Variants in RCN2 observed in about 807,000 individuals in gnomAD.
RCN2 encodes reticulocalbin-2.
Under a neutral mutation model 37.5 loss-of-function variants are expected in RCN2, and 23 were observed. The ratio of observed to expected loss-of-function variants is 0.61; its 90% CI spans 0.44 to 0.87. The LOEUF is 0.87. Ranked by LOEUF, RCN2 falls within the 40% of genes least tolerant of loss-of-function variation. RCN2 has a pLI of 0.00. For synonymous variants in RCN2, 140 were observed against 144.6 expected (o/e 0.97, Z 0.23); for missense variants, 381 against 390.4 (o/e 0.98, Z 0.20).
At chr15:76,935,842 C>T (rs947020509) in intron 3 of RCN2, 120 bp downstream of exon 3, 3 of 655,648 alleles carry the variant, frequency 4.6e-6, no homozygotes, top group African/African-American at 3.8e-5. Context: ...TCTAGGAAAT[C>T]ACCTGTTCCA....
At chr15:76,936,988 C>A (rs2075253058) in intron 3 of RCN2, among the ~76,000 whole-genome samples, 1 of 152,186 alleles carries the variant, frequency 6.6e-6, no homozygotes, top group African/African-American at 2.4e-5. Flanking sequence ...CTTTCTGTCT[C>A]TGAATTTGGC....
intron 3 of RCN2, among the ~76,000 whole-genome samples, chr15:76,939,593 G>T (rs1762215972): frequency 6.6e-6 from 1 of 152,134 alleles, no homozygotes; most frequent in Non-Finnish European, 1.5e-5. Flanking sequence ...AAAACAAGTA[G>T]TGATAATGAG....
chr15:76,932,241 A>G (rs1596000954), intron 1 of RCN2, 120 bp from the exon 2 acceptor site: 3 of 799,538 alleles, frequency 3.8e-6, no homozygotes, highest in East Asian at 5.3e-5. Context: ...CTTGAAGTGC[A>G]GGTGCGGGTC....
At chr15:76,947,299 C>T in intron 4 of RCN2, 122 bp from the exon 5 acceptor site, 1 of 617,198 alleles carries the variant, frequency 1.6e-6, no homozygotes, top group Non-Finnish European at 2.8e-6. Context: ...CTGATTGCAC[C>T]ACTAGAGCTC....
chr15:76,953,593 A>ATTTATTTT lies in RCN2; in HGVS notation c.*4374_*4375insATTTTTTT, dbSNP rs2075333882. 1.0e-4 allele frequency: 1 copy of ATTTATTTT among 9,834 alleles called. No homozygotes were observed. Among genetic ancestry groups the ATTTATTTT allele is most frequent in the Non-Finnish European group, 1.9e-4 (1 of 5,278 alleles). 0.6% of individuals were successfully genotyped at this position (9,834 alleles called of 1,614,324 possible). On this transcript the variant is annotated 3_prime_UTR_variant, in exon 7 of 7. Coordinates refer to ENST00000394885, the MANE Select transcript of RCN2 (RefSeq NM_002902.3). Reference sequence around the variant, plus strand: ...TATATATATATATATATATATATATATTTTTTTTTTTTTTTTTTTTTTTTT... The same window carrying ATTTATTTT: ...TATATATATATATATATATATATATATTTATTTTTTTTTTTTTTTTTTTTTTTTTTTTT...
chr15:76,931,781 G>C lies in RCN2; in HGVS notation c.-61G>C. The C allele has an allele frequency of 1.7e-6, 2 of 1,173,706 alleles. No individual in the cohort carries two copies. The highest frequency in any genetic ancestry group is 4.0e-5 in the South Asian group (1 of 24,724). The allele number at this position is 1,173,706 out of a possible 1,614,324, so 72.7% of individuals were successfully genotyped here. A position where few individuals can be genotyped will look rare whatever the true frequency, so the allele number is the denominator to read the frequency against. On this transcript the variant is annotated 5_prime_UTR_variant, in exon 1 of 7. Transcript: ENST00000394885. ...TAGCCGCCCGCGGAGCATCGCAGCC[G>C]GCCCGGGCCCCCGCCAGCCTCCCTC...
At chr15:76,940,659 C>T (rs2075273327) in intron 3 of RCN2, among the ~76,000 whole-genome samples, 1 of 151,082 alleles carries the variant, frequency 6.6e-6, no homozygotes, top group African/African-American at 2.4e-5. Flanking sequence ...AGCAATTCTC[C>T]TGCCTCAGCC....
At chr15:76,947,340 C>A in intron 4 of RCN2, 81 bp from the exon 5 acceptor site, 1 of 785,604 alleles carries the variant, frequency 1.3e-6, no homozygotes, top group Non-Finnish European at 2.1e-6. Context: ...TAAAGAAGTT[C>A]TGTAGTAGAA....
chr15:76,941,975 T>G, intron 3 of RCN2: 1 of 257,776 alleles, frequency 3.9e-6, no homozygotes, highest in Non-Finnish European at 7.3e-6. Flanking sequence ...AATTCTTGTT[T>G]GTCTGCTTTT....
At chr15:76,938,660 T>G in intron 3 of RCN2, 1 of 440,210 alleles carries the variant, frequency 2.3e-6, no homozygotes, top group South Asian at 1.6e-5. Context: ...AGAATCATAT[T>G]GGCCGCTTGA....
intron 3 of RCN2, among the ~76,000 whole-genome samples, chr15:76,937,153 G>A (rs1231883950): frequency 6.6e-6 from 1 of 152,154 alleles, no homozygotes; most frequent in African/African-American, 2.4e-5. Context: ...TGTATGTACA[G>A]GTTGAGTATC....
In RCN2 at chr15:76,951,981, A is replaced by G. The variant is rs1051231715; in HGVS notation, c.*2759A>G. ...CGTTCAGAGGAAAAGCTAGCATATCATGTTTGCCTTACTTAGTTCTTTCCT... is the reference window on the plus strand; with the variant it reads ...CGTTCAGAGGAAAAGCTAGCATATCGTGTTTGCCTTACTTAGTTCTTTCCT... On this transcript the variant is annotated 3_prime_UTR_variant, in exon 7 of 7. Transcript: ENST00000394885. 1 of 151,732 alleles carries G rather than the reference A, an allele frequency of 6.6e-6. No homozygotes were observed. Among genetic ancestry groups the G allele is most frequent in the Admixed American group, 6.6e-5 (1 of 15,214 alleles). 9.4% of individuals were successfully genotyped at this position (151,732 alleles called of 1,614,324 possible).
At chr15:76,932,600 G>A (rs1322059706) in intron 2 of RCN2, 134 bp downstream of exon 2, 1 of 646,168 alleles carries the variant, frequency 1.5e-6, no homozygotes. Context: ...ATGGAGAATA[G>A]GCTTTATACT....
chr15:76,953,574 TATATATATATATATATA>T lies in RCN2; in HGVS notation c.*4353_*4369del, dbSNP rs1568463480. ...GTAATTCTATATATATATATATATA[TATATATATATATATATA>T]TATTTTTTTTTTTTTTTTTTTTTTT... On this transcript the variant is annotated 3_prime_UTR_variant, in exon 7 of 7. Coordinates refer to ENST00000394885, the MANE Select transcript of RCN2 (RefSeq NM_002902.3). 112 of 19,720 alleles carry T rather than the reference TATATATATATATATATA, an allele frequency of 5.7e-3. 1 individual carries two copies. The highest frequency in any genetic ancestry group is 8.6e-3 in the Non-Finnish European group (79 of 9,138). 1.2% of individuals were successfully genotyped at this position (19,720 alleles called of 1,614,324 possible).
chr15:76,949,001 C>A, intron 6 of RCN2, 69 bp from the exon 7 acceptor site: 1 of 1,362,698 alleles, frequency 7.3e-7, no homozygotes, highest in South Asian at 1.4e-5. Context: ...CAAGTCAAAT[C>A]ACATTAAATT....
chr15:76,944,213 C>T (rs1363518399), intron 4 of RCN2, among the ~76,000 whole-genome samples: 2 of 151,838 alleles, frequency 1.3e-5, no homozygotes, highest in Non-Finnish European at 2.9e-5. Context: ...AATCTCCTGA[C>T]CTCGTGATCC....
Position 76,954,058 on chromosome 15 carries a change from T to C in RCN2, c.*4836T>C, listed in dbSNP as rs930525569. 7.3e-5 allele frequency: 11 copies of C among 151,262 alleles called. No homozygotes were observed. In the South Asian group the frequency reaches 1.7e-3, roughly 23 times the overall value. The allele number at this position is 151,262 out of a possible 1,614,324, so 9.4% of individuals were successfully genotyped here. A position where few individuals can be genotyped will look rare whatever the true frequency, so the allele number is the denominator to read the frequency against. On this transcript the variant is annotated 3_prime_UTR_variant, in exon 7 of 7. Coordinates refer to ENST00000394885, the MANE Select transcript of RCN2 (RefSeq NM_002902.3). ...TTTTCTGTTTTTTTTTTTTTCTTTT[T>C]TTTTTTTAATAGTAGCCATCCTGTT...
chr15:76,932,952 G>T (rs2075230944), intron 2 of RCN2, among the ~76,000 whole-genome samples: 1 of 151,992 alleles, frequency 6.6e-6, no homozygotes, highest in Admixed American at 6.6e-5. Flanking sequence ...GGATCATCTT[G>T]TCCACATCAC....
chr15:76,954,066 A>C lies in RCN2; in HGVS notation c.*4844A>C, dbSNP rs777393961. 18 of 123,072 alleles carry C rather than the reference A, an allele frequency of 1.5e-4. No homozygotes were observed. Among genetic ancestry groups the C allele is most frequent in the Non-Finnish European group, 2.6e-4 (15 of 58,592 alleles). The allele number at this position is 123,072 out of a possible 1,614,324, so 7.6% of individuals were successfully genotyped here. A position where few individuals can be genotyped will look rare whatever the true frequency, so the allele number is the denominator to read the frequency against. On this transcript the variant is annotated 3_prime_UTR_variant, in exon 7 of 7. Transcript: ENST00000394885. Reference sequence around the variant, plus strand: ...TTTTTTTTTTTTCTTTTTTTTTTTTAATAGTAGCCATCCTGTTGGGTGAGA... The same window carrying C: ...TTTTTTTTTTTTCTTTTTTTTTTTTCATAGTAGCCATCCTGTTGGGTGAGA...
Sources: gnomAD v4.1 joint callset for allele counts (sites outside exome capture counted in the v4.1 genomes callset) on GRCh38, gnomAD v4.1.1 for gene constraint, MANE v1.5 for transcripts, NCBI Gene and HGNC (gene_info 2026-07-23, HGNC 2026-07-21) for gene names.